FAM20C: variants seen among roughly 807,000 people sequenced by gnomAD.
The protein encoded by FAM20C is FAM20C golgi associated secretory pathway kinase.
In FAM20C, 40 loss-of-function variants were observed where a neutral mutation model predicts 51.5. The observed-to-expected ratio is 0.78, with a 90% CI of 0.60 to 1.01. The LOEUF (loss-of-function observed/expected upper bound fraction) is 1.01. FAM20C is among the 50% of genes least tolerant of loss of function. FAM20C has a pLI of 0.00. For synonymous variants in FAM20C, 406 were observed against 380.6 expected (o/e 1.07, Z -0.78); for missense variants, 861 against 844.7 (o/e 1.02, Z -0.24).
chr7:193,857 A>G, intron 1 of FAM20C, 53 bp downstream of exon 1: 6 of 1,536,434 alleles, frequency 3.9e-6, no homozygotes, highest in Non-Finnish European at 5.3e-6. Context: ...AGCCCAAGGC[A>G]TGGTGTAGAG....
At chr7:246,850 C>T (rs147959608) in intron 4 of FAM20C, among the ~76,000 whole-genome samples, 14,323 of 152,102 alleles carry the variant, frequency 0.094, 1,540 homozygotes, top group African/African-American at 0.27. Context: ...CTGTGAGCGG[C>T]GATTTGCCCA....
At chr7:199,845 A>G (rs1373664381) in intron 2 of FAM20C, among the ~76,000 whole-genome samples, 1 of 152,186 alleles carries the variant, frequency 6.6e-6, no homozygotes, top group African/African-American at 2.4e-5. Flanking sequence ...ACAATTATGG[A>G]TGCAAAGAAT....
intron 5 of FAM20C, among the ~76,000 whole-genome samples, chr7:249,368 T>C (rs1788306101): frequency 6.6e-6 from 1 of 152,260 alleles, no homozygotes; most frequent in Non-Finnish European, 1.5e-5. Context: ...TTATAAAACC[T>C]TCAAGACTCT....
chr7:197,052 C>G (rs62428648), intron 2 of FAM20C: 1 of 164,262 alleles, frequency 6.1e-6, no homozygotes. Flanking sequence ...ACAGCCAGAA[C>G]GTCCCTTCTG....
intron 4 of FAM20C, among the ~76,000 whole-genome samples, chr7:247,211 G>A (rs1365122104): frequency 6.6e-6 from 1 of 152,194 alleles, no homozygotes; most frequent in East Asian, 1.9e-4. Context: ...AGCAGAAAGT[G>A]AACCCCTTGT....
intron 2 of FAM20C, among the ~76,000 whole-genome samples, chr7:207,811 G>C (rs752980952): frequency 6.6e-6 from 1 of 151,996 alleles, no homozygotes; most frequent in Non-Finnish European, 1.5e-5. Flanking sequence ...CTTAGCTCCC[G>C]GGGCTGCCCC....
intron 8 of FAM20C, 134 bp downstream of exon 8, chr7:257,220 C>A: frequency 4.3e-6 from 4 of 926,094 alleles, no homozygotes; most frequent in Non-Finnish European, 6.4e-6. Context: ...AAAGGCCCAT[C>A]TCAGAGCCAG....
At chr7:219,466 C>T (rs1438672515) in intron 3 of FAM20C, among the ~76,000 whole-genome samples, 2 of 150,294 alleles carry the variant, frequency 1.3e-5, no homozygotes, top group Non-Finnish European at 2.9e-5. Context: ...CCAGCCAGGG[C>T]TGTCGGCGGG....
intron 3 of FAM20C, chr7:227,832 A>G (rs985116812): frequency 6.6e-6 from 1 of 152,558 alleles, no homozygotes; most frequent in Non-Finnish European, 1.5e-5. Flanking sequence ...TCAAGTGGAA[A>G]TGACTTCAGA....
intron 2 of FAM20C, 102 bp downstream of exon 2, chr7:195,834 C>T (rs545988499): frequency 6.8e-6 from 8 of 1,175,542 alleles, no homozygotes; most frequent in South Asian, 3.1e-5. Context: ...GAGGCCGTTG[C>T]TCATTACGGC....
intron 3 of FAM20C, among the ~76,000 whole-genome samples, chr7:211,968 C>G (rs28533995): frequency 0.047 from 7,122 of 152,288 alleles, 231 homozygotes; most frequent in African/African-American, 0.089. Context: ...GGCTGGTGCC[C>G]GACCCTCCTT....
chr7:250,423 A>G (rs36140968), intron 5 of FAM20C, among the ~76,000 whole-genome samples: 77,499 of 152,054 alleles, frequency 0.51, 21,346 homozygotes, highest in African/African-American at 0.74. Flanking sequence ...CCTACACACC[A>G]GGAATCGGGG....
chr7:198,034 T>C (rs997535136), intron 2 of FAM20C, among the ~76,000 whole-genome samples: 1 of 152,156 alleles, frequency 6.6e-6, no homozygotes. Context: ...CGCCTGGGTG[T>C]GTCCTGGTTA....
chr7:249,573 C>G lies in FAM20C; in HGVS notation c.1072+1143C>G, dbSNP rs529735621. 7.2e-5 allele frequency among the ~76,000 whole-genome samples: 11 copies of G among 152,230 alleles called. No individual in the cohort carries two copies. The East Asian group carries it at 2.1e-3, about 29-fold the overall frequency. ...CTGGGCAACGTGGTGAGACCCCTGT[C>G]TACAGGAAATTAAAAAATTAGCCAG... On this transcript the variant is annotated intron_variant, in intron 5 of 9. Transcript: ENST00000313766.
chr7:249,300 G>A (rs1788303589), intron 5 of FAM20C, among the ~76,000 whole-genome samples: 1 of 152,256 alleles, frequency 6.6e-6, no homozygotes, highest in Admixed American at 6.5e-5. Context: ...TGCCCTTGAG[G>A]GGATACAGGA....
In FAM20C at chr7:240,436, A is replaced by T. The variant is rs987280846; in HGVS notation, c.864-5979A>T. Among the ~76,000 whole-genome samples the T allele has an allele frequency of 2.2e-3, 333 of 151,114 alleles. 4 individuals are homozygous for T. The highest frequency in any genetic ancestry group is 7.9e-3 in the African/African-American group (319 of 40,384). ...GATGATGGTGACAGTGATGATGATGATAAGGATGATAATGATGGTGGAGGT... is the reference window on the plus strand; with the variant it reads ...GATGATGGTGACAGTGATGATGATGTTAAGGATGATAATGATGGTGGAGGT... On this transcript the variant is annotated intron_variant, in intron 3 of 9. Transcript: ENST00000313766.
At chr7:234,413 T>TG (rs1281044615) in intron 3 of FAM20C, among the ~76,000 whole-genome samples, 2,984 of 152,198 alleles carry the variant, frequency 0.02, 108 homozygotes, top group African/African-American at 0.067. Context: ...CAGGCAGTGG[T>TG]GGGGGGTCCC....
chr7:259,201 G>A (rs1264989466), intron 9 of FAM20C, among the ~76,000 whole-genome samples: 1 of 148,370 alleles, frequency 6.7e-6, no homozygotes, highest in East Asian at 1.9e-4. Flanking sequence ...TGGGTGAGTG[G>A]GCCGCCCTCC....
chr7:210,089 C>T (rs113754777), intron 3 of FAM20C, among the ~76,000 whole-genome samples: 9,754 of 152,300 alleles, frequency 0.064, 333 homozygotes, highest in South Asian at 0.075. Flanking sequence ...CACACAGGGC[C>T]GGGGAGCAGC....
Sources: gnomAD v4.1 joint callset for allele counts (sites outside exome capture counted in the v4.1 genomes callset) on GRCh38, gnomAD v4.1.1 for gene constraint, MANE v1.5 for transcripts, NCBI Gene and HGNC (gene_info 2026-07-23, HGNC 2026-07-21) for gene names.